The following AKAP9 variants were observed in gnomAD, a reference collection of about 807,000 sequenced individuals.
AKAP9 encodes A-kinase anchoring protein 9, also known as A-kinase anchor protein 9.
AKAP9 carries 311 observed loss-of-function variants against 488.5 expected under a neutral mutation model. The observed-to-expected ratio is 0.64, with a 90% CI of 0.58 to 0.70. The LOEUF (loss-of-function observed/expected upper bound fraction) is 0.70. Among genes scored for constraint, AKAP9 ranks in the 30% least tolerant of loss-of-function variants. The pLI, the probability that AKAP9 is intolerant of heterozygous loss-of-function variation, is 0.00. For missense variants in AKAP9, 4,215 were observed against 4,374.5 expected (o/e 0.96, Z 1.03); for synonymous variants, 1,462 against 1,483.5 (o/e 0.99, Z 0.33).
rs373653403 is a variant in AKAP9 at position 91,981,249 on chromosome 7, C to T, written c.351+916C>T. ...TGCTTTTGTGACATTAAATTTGGGG[C>T]GCATACAGTTGGCCCTCCATATCCC... On this transcript the variant is annotated intron_variant, in intron 3 of 49. Coordinates refer to ENST00000356239, the MANE Select transcript of AKAP9 (RefSeq NM_005751.5). Among the ~76,000 whole-genome samples the T allele has an allele frequency of 1.3e-4, 20 of 152,118 alleles. 1 individual carries two copies. In the Middle Eastern group the frequency reaches 0.01, roughly 78 times the overall value.
In AKAP9 at chr7:92,096,916, G is replaced by A. The variant is rs1816688791; in HGVS notation, c.9957G>A (p.Glu3319=). The part of the protein sequence containing the change: ...IREMSSTLDR[E]RELHAQLQSS... ...AAATGAGTAGTACCCTAGATAGGGA[G>A]CGGGAATTGCACGCACAGCTGCAGA... is the stretch of plus-strand genomic sequence containing the variant. The change falls in exon 41 of 50, where the codon GAG becomes GAA. Residue 3319 remains glutamate, a synonymous_variant. Transcript: ENST00000356239. 6.2e-7 allele frequency: 1 copy of A among 1,614,234 alleles called. No homozygotes were observed. The highest frequency in any genetic ancestry group is 8.5e-7 in the Non-Finnish European group (1 of 1,180,052).
intron 2 of AKAP9, among the ~76,000 whole-genome samples, chr7:91,979,645 T>G (rs1796140750): frequency 6.6e-6 from 1 of 152,206 alleles, no homozygotes; most frequent in South Asian, 2.1e-4. Context: ...GGCACTGTAC[T>G]CTTGTGCTTT....
At chr7:91,972,626 T>G (rs1332422842) in intron 1 of AKAP9, among the ~76,000 whole-genome samples, 2 of 152,236 alleles carry the variant, frequency 1.3e-5, no homozygotes, top group Non-Finnish European at 2.9e-5. Context: ...AAGCTCTGTA[T>G]ATTTGCTTTT....
intron 1 of AKAP9, among the ~76,000 whole-genome samples, chr7:91,961,620 G>A (rs1002811676): frequency 3.3e-5 from 5 of 151,852 alleles, no homozygotes; most frequent in Non-Finnish European, 7.4e-5. Context: ...CTAGGCGGGC[G>A]GATCATGAGG....
chr7:92,053,073 C>T, intron 22 of AKAP9, 115 bp downstream of exon 22: 1 of 833,626 alleles, frequency 1.2e-6, no homozygotes, highest in Non-Finnish European at 2.0e-6. Context: ...ATTTTCAAAG[C>T]TTGAATGCAT....
At chr7:91,975,611 T>C (rs1795567893) in intron 2 of AKAP9, among the ~76,000 whole-genome samples, 1 of 152,200 alleles carries the variant, frequency 6.6e-6, no homozygotes, top group South Asian at 2.1e-4. Context: ...CCAATGTCGA[T>C]GTTCTTTTTT....
chr7:91,985,741 G>A (rs757269352), intron 3 of AKAP9, among the ~76,000 whole-genome samples: 7 of 152,116 alleles, frequency 4.6e-5, no homozygotes, highest in Non-Finnish European at 4.4e-5. Context: ...CTCGCCTGCC[G>A]GGTTCACACA....
intron 21 of AKAP9, among the ~76,000 whole-genome samples, chr7:92,048,469 T>C (rs1807376517): frequency 6.6e-6 from 1 of 152,198 alleles, no homozygotes; most frequent in Admixed American, 6.5e-5. Flanking sequence ...TAAAAATGAA[T>C]TCCCCAGGTT....
Position 92,076,864 on chromosome 7 carries a change from T to C in AKAP9, c.6622T>C (p.Leu2208=), listed in dbSNP as rs767876920. 1.4e-6 allele frequency: 2 copies of C among 1,463,186 alleles called. No homozygotes were observed. The highest frequency in any genetic ancestry group is 9.4e-7 in the Non-Finnish European group (1 of 1,065,038). The allele number at this position is 1,463,186 out of a possible 1,614,324, so 90.6% of individuals were successfully genotyped here. A position where few individuals can be genotyped will look rare whatever the true frequency, so the allele number is the denominator to read the frequency against. ...AATTTTGTTATTAAAGATTACAAAC[T>C]TAGAAGAGCAATTAGAACAGTTTAG... ...IDRKEKEITN[L]EEQLEQFREE... is the part of the protein sequence containing the mutation. Residue 2208 remains leucine, a synonymous_variant, in exon 29 of 50, where the codon TTA becomes CTA. Transcript: ENST00000356239.
At chr7:92,012,913 A>ACAT (rs1352648014) in intron 9 of AKAP9, among the ~76,000 whole-genome samples, 1 of 151,722 alleles carries the variant, frequency 6.6e-6, no homozygotes, top group Admixed American at 6.6e-5. Flanking sequence ...GAAAGGAGAA[A>ACAT]CATCTAGTAC....
At chr7:92,094,994 A>T in intron 39 of AKAP9, 29 bp from the exon 40 acceptor site, 1 of 1,611,088 alleles carries the variant, frequency 6.2e-7, no homozygotes, top group Middle Eastern at 1.7e-4. Flanking sequence ...ACATAGCTTT[A>T]TGGAAATTCA....
chr7:92,089,561 C>CAA, intron 38 of AKAP9, 32 bp downstream of exon 38: 1 of 1,605,112 alleles, frequency 6.2e-7, no homozygotes, highest in Non-Finnish European at 8.5e-7. Context: ...TATGGTTACA[C>CAA]AAACAGGTGA....
rs184932189 is a variant in AKAP9 at position 92,104,621 on chromosome 7, G to T, written c.11331-1057G>T. Among the ~76,000 whole-genome samples the T allele has an allele frequency of 7.2e-3, 1,093 of 152,248 alleles. 12 individuals carry two copies. Among genetic ancestry groups the T allele is most frequent in the Non-Finnish European group, 7.7e-3 (524 of 68,018 alleles). ...ACAAAGCCAGTAGTGATAGAGCTAG[G>T]ACAACCAGCCCAGTCTCCCAAGTCT... On this transcript the variant is annotated intron_variant, in intron 46 of 49. Transcript: ENST00000356239.
chr7:91,943,399 CT>C (rs1189649500), intron 1 of AKAP9, among the ~76,000 whole-genome samples: 27 of 152,256 alleles, frequency 1.8e-4, no homozygotes, highest in African/African-American at 6.3e-4. Flanking sequence ...TAAACGTGTG[CT>C]TTCAGATTAG....
At chr7:92,036,203 A>T in intron 16 of AKAP9, among the ~76,000 whole-genome samples, 1 of 152,134 alleles carries the variant, frequency 6.6e-6, no homozygotes, top group Admixed American at 6.5e-5. Context: ...GTTTCTGTCG[A>T]CAAGGTCCTT....
At chr7:91,962,677 A>G (rs890912647) in intron 1 of AKAP9, among the ~76,000 whole-genome samples, 15 of 152,214 alleles carry the variant, frequency 9.9e-5, no homozygotes, top group Admixed American at 6.5e-4. Context: ...TCAGTAACAT[A>G]GGCCTAAAAC....
chr7:92,098,407 A>C (rs1816992010), intron 43 of AKAP9, among the ~76,000 whole-genome samples, 193 bp downstream of exon 43: 1 of 152,158 alleles, frequency 6.6e-6, no homozygotes, highest in Non-Finnish European at 1.5e-5. Flanking sequence ...GGGGGGAATT[A>C]GCTTTCATTA....
intron 1 of AKAP9, among the ~76,000 whole-genome samples, chr7:91,957,984 C>A (rs549014541): frequency 2.0e-5 from 3 of 152,130 alleles, no homozygotes; most frequent in Non-Finnish European, 4.4e-5. Flanking sequence ...ATTATGATCC[C>A]AAGGTCCTTC....
rs1051721340 is a variant in AKAP9, at chr7:92,076,987, C to G, written c.6745C>G (p.Gln2249Glu). 2 of 1,571,582 alleles carry G rather than the reference C, an allele frequency of 1.3e-6. No individual in the cohort carries two copies. The highest frequency in any genetic ancestry group is 2.7e-5 in the African/African-American group (2 of 72,984). ...TACTACCCGCCTACAAGAACTTGAA[C>G]AGGAAAACAAATTATTTAAGGTAAT... ...ESTTRLQELE[Q>E]ENKLFKDDME... Residue 2249 changes from glutamine (Q) to glutamate (E), a missense_variant, in exon 29 of 50, where the codon CAG (glutamine) becomes GAG (glutamate). This residue lies in a region of AKAP9 where 51 missense variants were observed against 87.3 expected (regional missense o/e 0.58). Transcript: ENST00000356239.
Sources: gnomAD v4.1 joint callset for allele counts (sites outside exome capture counted in the v4.1 genomes callset) on GRCh38, gnomAD v4.1.1 for gene constraint, gnomAD v4.1.1 regional missense constraint, MANE v1.5 for transcripts, NCBI Gene and HGNC (gene_info 2026-07-23, HGNC 2026-07-21) for gene names.